ANKRD42: variants seen among roughly 807,000 people sequenced by gnomAD.
The protein encoded by ANKRD42 is ankyrin repeat domain-containing protein 42.
ANKRD42 carries 43 observed loss-of-function variants against 51.5 expected under a neutral mutation model. That is an observed-to-expected ratio of 0.83 (90% CI 0.65 to 1.08). The LOEUF is 1.08. ANKRD42 is among the 50% of genes least tolerant of loss of function. The pLI is 0.00. For synonymous variants in ANKRD42, 203 were observed against 213.0 expected (o/e 0.95, Z 0.41); for missense variants, 608 against 629.3 (o/e 0.97, Z 0.36).
In ANKRD42 at chr11:83,194,157, C is replaced by T. The variant is rs939111677; in HGVS notation, c.-514C>T. The T allele has an allele frequency of 2.4e-5, 11 of 456,880 alleles. No individual in the cohort carries two copies. Among genetic ancestry groups the T allele is most frequent in the African/African-American group, 1.0e-4 (5 of 50,060 alleles). 28.3% of individuals were successfully genotyped at this position (456,880 alleles called of 1,614,324 possible). Reference sequence around the variant, plus strand: ...GAGACAGCACCTTCTGCAGCAGCGACGTGAATTTTAGTGAAGTTGGAGGCC... The same window carrying T: ...GAGACAGCACCTTCTGCAGCAGCGATGTGAATTTTAGTGAAGTTGGAGGCC... On this transcript the variant is annotated 5_prime_UTR_variant, in exon 1 of 11. It adds an upstream start codon to the 5' untranslated region. Coordinates refer to ENST00000533342, the MANE Select transcript of ANKRD42 (RefSeq NM_001300975.2).
chr11:83,214,604 G>A (rs923640651), intron 5 of ANKRD42: 45 of 958,496 alleles, frequency 4.7e-5, no homozygotes, highest in Non-Finnish European at 5.3e-5. Context: ...ATTGATAAAT[G>A]TACATATTTT....
chr11:83,213,246 A>G (rs1264721752), intron 5 of ANKRD42: 9 of 1,598,532 alleles, frequency 5.6e-6, no homozygotes, highest in South Asian at 5.5e-5. Context: ...CTGGTCCACA[A>G]CATCAAGGAG....
chr11:83,193,786 G>A lies in ANKRD42; in HGVS notation c.-885G>A, dbSNP rs910509246. 1 of 451,804 alleles carries A rather than the reference G, an allele frequency of 2.2e-6. No homozygotes were observed. Among genetic ancestry groups the A allele is most frequent in the Non-Finnish European group, 4.4e-6 (1 of 224,990 alleles). 28.0% of individuals were successfully genotyped at this position (451,804 alleles called of 1,614,324 possible). A position where few individuals can be genotyped will look rare whatever the true frequency, so the allele number is the denominator to read the frequency against. On this transcript the variant is annotated 5_prime_UTR_variant, in exon 1 of 11. Transcript: ENST00000533342. Reference sequence around the variant, plus strand: ...AGTCGGGAGGCTGGAAAGAGACTCCGAGAAAGTACCAGCGGAAGGCGGCCG... The same window carrying A: ...AGTCGGGAGGCTGGAAAGAGACTCCAAGAAAGTACCAGCGGAAGGCGGCCG...
At chr11:83,260,372 T>C (rs1863873463), downstream of ANKRD42, 1 of 152,204 alleles carries the variant, frequency 6.6e-6, no homozygotes, top group African/African-American at 2.4e-5. Flanking sequence ...TGGACTTTAA[T>C]ATATATGGTA....
intron 3 of ANKRD42, among the ~76,000 whole-genome samples, chr11:83,209,155 A>T (rs1862202152): frequency 6.6e-6 from 1 of 152,190 alleles, no homozygotes; most frequent in South Asian, 2.1e-4. Flanking sequence ...GTGAAAGTTT[A>T]ATTTCAGTTT....
chr11:83,252,704 A>T (rs11233539), downstream of ANKRD42, among the ~76,000 whole-genome samples: 3,272 of 152,224 alleles, frequency 0.021, 103 homozygotes, highest in African/African-American at 0.074. Context: ...GGTAATGTCT[A>T]ATCTCTTTAT....
chr11:83,213,163 T>C (rs951082171), intron 5 of ANKRD42: 21 of 1,601,764 alleles, frequency 1.3e-5, no homozygotes, highest in Non-Finnish European at 1.7e-5. Context: ...AGGACCAATC[T>C]TGATGCCCAA....
chr11:83,218,027 T>G (rs1245217898), intron 5 of ANKRD42, among the ~76,000 whole-genome samples: 1 of 152,226 alleles, frequency 6.6e-6, no homozygotes, highest in Admixed American at 6.5e-5. Flanking sequence ...TGGAGTTTTC[T>G]CCTAATGTCA....
chr11:83,258,855 C>A (rs769821936), downstream of ANKRD42, among the ~76,000 whole-genome samples: 1 of 151,822 alleles, frequency 6.6e-6, no homozygotes, highest in Non-Finnish European at 1.5e-5. Context: ...TGACTCTTGC[C>A]AAGTCCTTAC....
At chr11:83,199,235 C>T (rs1861777064) in intron 2 of ANKRD42, among the ~76,000 whole-genome samples, 1 of 152,152 alleles carries the variant, frequency 6.6e-6, no homozygotes, top group Non-Finnish European at 1.5e-5. Context: ...AAGTACCCCT[C>T]TCAGGTGCCA....
At chr11:83,221,090 T>A (rs982098846) in intron 5 of ANKRD42, among the ~76,000 whole-genome samples, 2 of 152,172 alleles carry the variant, frequency 1.3e-5, no homozygotes, top group South Asian at 2.1e-4. Flanking sequence ...ATTTTTTTTT[T>A]CTCCTATGAC....
chr11:83,196,388 AGTGTGTGAGAGT>A (rs1402942873), intron 1 of ANKRD42, among the ~76,000 whole-genome samples: 1 of 114,734 alleles, frequency 8.7e-6, no homozygotes, highest in African/African-American at 4.6e-5. Context: ...TTTGTGTGTG[AGTGTGTGAGAGT>A]GTGTGTGTGT....
chr11:83,224,257 C>G (rs1395296549), intron 5 of ANKRD42, among the ~76,000 whole-genome samples: 1 of 151,968 alleles, frequency 6.6e-6, no homozygotes, highest in East Asian at 1.9e-4. Context: ...TGCAGAGTGA[C>G]TATTGGTTTA....
chr11:83,254,123 A>G (rs1452670725), intron 11 of ANKRD42, among the ~76,000 whole-genome samples: 2 of 151,474 alleles, frequency 1.3e-5, no homozygotes, highest in African/African-American at 4.9e-5. Context: ...TACAGGCATG[A>G]GCCACCATGC....
chr11:83,203,570 T>G (rs1192342364), intron 2 of ANKRD42, among the ~76,000 whole-genome samples: 1 of 151,914 alleles, frequency 6.6e-6, no homozygotes, highest in Non-Finnish European at 1.5e-5. Context: ...ATTTTTGTAT[T>G]TTTAGTAGAG....
At chr11:83,251,944 T>C (rs473622), downstream of ANKRD42, among the ~76,000 whole-genome samples, 64,842 of 152,058 alleles carry the variant, frequency 0.43, 14,226 homozygotes, top group African/African-American at 0.53. Context: ...TCAAAGATTA[T>C]ATGAACAGAC....
intron 2 of ANKRD42, among the ~76,000 whole-genome samples, chr11:83,200,010 G>GT (rs1211373224): frequency 2.0e-5 from 3 of 152,150 alleles, no homozygotes; most frequent in African/African-American, 7.2e-5. Context: ...ACTTTGGCAG[G>GT]TTTTTTAATC....
chr11:83,195,994 C>T (rs1861637899), intron 1 of ANKRD42, among the ~76,000 whole-genome samples: 1 of 152,036 alleles, frequency 6.6e-6, no homozygotes, highest in Non-Finnish European at 1.5e-5. Flanking sequence ...AACAGGGGCC[C>T]ACCACCACAC....
rs1345519617 is a variant in ANKRD42, at chr11:83,228,008, AT to A, written c.913+137del. On this transcript the variant is annotated intron_variant, in intron 7 of 10. Transcript: ENST00000533342. ...CCTAGCAGATATCAGTCTATCTTGTATGGTATATAGAATGCCTAATTTTCAA... is the reference window on the plus strand; with the variant it reads ...CCTAGCAGATATCAGTCTATCTTGTAGGTATATAGAATGCCTAATTTTCAA... 2.4e-5 allele frequency: 23 copies of A among 963,408 alleles called. No homozygotes were observed. In the East Asian group the frequency reaches 5.8e-4, roughly 24 times the overall value. 59.7% of individuals were successfully genotyped at this position (963,408 alleles called of 1,614,324 possible). A position where few individuals can be genotyped will look rare whatever the true frequency, so the allele number is the denominator to read the frequency against.
Sources: gnomAD v4.1 joint callset for allele counts (sites outside exome capture counted in the v4.1 genomes callset) on GRCh38, gnomAD v4.1.1 for gene constraint, MANE v1.5 for transcripts, NCBI Gene and HGNC (gene_info 2026-07-23, HGNC 2026-07-21) for gene names.